The following CSMD1 variants were observed in gnomAD, a reference collection of about 807,000 sequenced individuals.
The protein encoded by CSMD1 is CUB and sushi domain-containing protein 1.
In CSMD1, 213 loss-of-function variants were observed where a neutral mutation model predicts 417.5. The observed-to-expected ratio is 0.51, with a 90% CI of 0.46 to 0.57. The LOEUF (loss-of-function observed/expected upper bound fraction) is 0.57. Ranked by LOEUF, CSMD1 falls within the 20% of genes least tolerant of loss-of-function variation. The probability of loss-of-function intolerance (pLI) is 0.00; values close to 1 mark genes in which losing one functional copy is unlikely to be tolerated. For missense variants in CSMD1, 6,923 were observed against 4,529.7 expected (o/e 1.53, Z -15.17); for synonymous variants, 2,862 against 1,736.8 (o/e 1.65, Z -16.11).
chr8:3,818,369 C>T (rs1801516142), intron 5 of CSMD1, among the ~76,000 whole-genome samples: 1 of 152,156 alleles, frequency 6.6e-6, no homozygotes, highest in African/African-American at 2.4e-5. Flanking sequence ...CTAAGGTCTC[C>T]AAATGTTTAC....
At position 2,966,721 on chromosome 8, in the gene CSMD1, T is replaced by G; in HGVS notation, c.8949A>C (p.Thr2983=). ...TACTGACAATCATTCCGTTGGTGGG[T>G]GTGCCAGGGTTGCCACAGGACACGG... ...CEAVSCGNPG[T]PTNGMIVSSD... is the part of the protein sequence containing the mutation. The change falls in exon 58 of 70, where the codon ACA becomes ACC. Residue 2983 remains threonine, a synonymous_variant. Coordinates refer to ENST00000635120, the MANE Select transcript of CSMD1 (RefSeq NM_033225.6). The G allele has an allele frequency of 1.9e-6, 3 of 1,613,688 alleles. No individual in the cohort carries two copies. The highest frequency in any genetic ancestry group is 2.5e-6 in the Non-Finnish European group (3 of 1,179,796).
chr8:3,881,969 A>C (rs1806235632), intron 5 of CSMD1, among the ~76,000 whole-genome samples: 1 of 152,232 alleles, frequency 6.6e-6, no homozygotes. Context: ...GAAAGATGAA[A>C]CAAATTTCCA....
intron 2 of CSMD1, among the ~76,000 whole-genome samples, chr8:4,528,923 G>C (rs941688754): frequency 2.6e-5 from 4 of 152,120 alleles, no homozygotes; most frequent in Admixed American, 2.0e-4. Context: ...TGAGTTCAAG[G>C]AGTCATCTAA....
At chr8:3,859,235 A>C (rs1263449609) in intron 5 of CSMD1, among the ~76,000 whole-genome samples, 1 of 152,154 alleles carries the variant, frequency 6.6e-6, no homozygotes, top group Non-Finnish European at 1.5e-5. Context: ...TCAACTTCTC[A>C]AGTGAACGCC....
At chr8:4,119,197 C>A (rs879321514) in intron 3 of CSMD1, among the ~76,000 whole-genome samples, 12 of 152,022 alleles carry the variant, frequency 7.9e-5, no homozygotes, top group Non-Finnish European at 1.6e-4. Flanking sequence ...TCGTGGCACA[C>A]ATATACCTAT....
intron 1 of CSMD1, among the ~76,000 whole-genome samples, chr8:4,873,659 C>T (rs769698006): frequency 6.6e-6 from 1 of 152,090 alleles, no homozygotes; most frequent in African/African-American, 2.4e-5. Context: ...TTCCATCTAT[C>T]CATTCAGTAA....
At chr8:4,449,327 C>G (rs1798994340) in intron 2 of CSMD1, among the ~76,000 whole-genome samples, 3 of 152,118 alleles carry the variant, frequency 2.0e-5, no homozygotes, top group South Asian at 4.1e-4. Context: ...GAGCATCTGT[C>G]TTCATTGGTT....
chr8:4,648,973 G>A (rs551959231), intron 1 of CSMD1, among the ~76,000 whole-genome samples: 5 of 152,264 alleles, frequency 3.3e-5, no homozygotes, highest in Non-Finnish European at 7.4e-5. Flanking sequence ...GTATCCTAGG[G>A]CCCTGGAGTA....
intron 12 of CSMD1, among the ~76,000 whole-genome samples, chr8:3,467,349 A>T (rs1329706913): frequency 6.6e-6 from 1 of 152,184 alleles, no homozygotes; most frequent in Admixed American, 6.5e-5. Flanking sequence ...ATGATTTCAG[A>T]TTCTACCAAA....
At chr8:4,265,238 A>G (rs1356491063) in intron 3 of CSMD1, among the ~76,000 whole-genome samples, 1 of 152,222 alleles carries the variant, frequency 6.6e-6, no homozygotes, top group South Asian at 2.1e-4. Flanking sequence ...TTGTATTCAT[A>G]TATTTTATGC....
At chr8:3,494,294 TACA>T in intron 10 of CSMD1, among the ~76,000 whole-genome samples, 1 of 152,318 alleles carries the variant, frequency 6.6e-6, no homozygotes, top group East Asian at 1.9e-4. Context: ...AAGACATCTG[TACA>T]ACAATGGTTT....
intron 30 of CSMD1, among the ~76,000 whole-genome samples, chr8:3,214,021 T>C (rs1205007003): frequency 1.3e-5 from 2 of 152,024 alleles, no homozygotes; most frequent in African/African-American, 2.4e-5. Flanking sequence ...AATTTTTGTA[T>C]TTTTAGCGGA....
rs193174588 is a variant in CSMD1 at position 4,690,526 on chromosome 8, A to T, written c.86-52968T>A. ...TGATATTTGAGTGGTATTTCCTGGA[A>T]AATCTATCTGTCATGACACATCGCA... is the stretch of plus-strand genomic sequence containing the variant. On this transcript the variant is annotated intron_variant, in intron 1 of 69. Transcript: ENST00000635120. 1.5e-3 allele frequency among the ~76,000 whole-genome samples: 229 copies of T among 152,318 alleles called. 1 individual carries two copies. Among genetic ancestry groups the T allele is most frequent in the African/African-American group, 5.4e-3 (225 of 41,578 alleles).
intron 10 of CSMD1, among the ~76,000 whole-genome samples, chr8:3,500,421 C>T (rs1247380893): frequency 6.6e-6 from 1 of 152,044 alleles, no homozygotes; most frequent in East Asian, 1.9e-4. Context: ...GGTTCACGAC[C>T]AGACACACAG....
chr8:4,695,385 C>T (rs1020878526), intron 1 of CSMD1, among the ~76,000 whole-genome samples: 2 of 152,206 alleles, frequency 1.3e-5, no homozygotes, highest in East Asian at 1.9e-4. Context: ...GTGTTATTTA[C>T]ACGCATATTA....
chr8:4,951,987 T>C (rs143809902), intron 1 of CSMD1, among the ~76,000 whole-genome samples: 20 of 151,390 alleles, frequency 1.3e-4, no homozygotes, highest in Admixed American at 7.2e-4. Context: ...CTAAACATAG[T>C]TTATCTTAAA....
At chr8:3,476,599 C>G (rs544894836) in intron 11 of CSMD1, among the ~76,000 whole-genome samples, 1 of 152,210 alleles carries the variant, frequency 6.6e-6, no homozygotes, top group Admixed American at 6.5e-5. Flanking sequence ...GTGTGACATT[C>G]TCACACCCCA....
intron 3 of CSMD1, among the ~76,000 whole-genome samples, chr8:4,112,696 G>C (rs1439120786): frequency 6.6e-6 from 1 of 152,060 alleles, no homozygotes; most frequent in East Asian, 1.9e-4. Context: ...TATATATGAG[G>C]GTTTGCAAGT....
intron 10 of CSMD1, among the ~76,000 whole-genome samples, chr8:3,512,627 A>G (rs547076001): frequency 3.5e-4 from 49 of 140,674 alleles, no homozygotes; most frequent in African/African-American, 1.2e-3. Flanking sequence ...TTTAAGACAG[A>G]GTCTTGCTTT....
Sources: gnomAD v4.1 joint callset for allele counts (sites outside exome capture counted in the v4.1 genomes callset) on GRCh38, gnomAD v4.1.1 for gene constraint, MANE v1.5 for transcripts, NCBI Gene and HGNC (gene_info 2026-07-23, HGNC 2026-07-21) for gene names.